Variants in COL25A1 observed in about 807,000 individuals in gnomAD.
COL25A1 encodes the protein collagen type XXV alpha 1 chain.
A neutral mutation model predicts 128.4 loss-of-function variants in COL25A1; 103 were observed. The observed-to-expected ratio is 0.80, with a 90% CI of 0.68 to 0.94. COL25A1 has a LOEUF of 0.94. Among genes scored for constraint, COL25A1 ranks in the 40% least tolerant of loss-of-function variants. The pLI is 0.00. For missense variants in COL25A1, 745 were observed against 840.0 expected (o/e 0.89, Z 1.40); for synonymous variants, 279 against 277.2 (o/e 1.01, Z -0.06).
intron 3 of COL25A1, among the ~76,000 whole-genome samples, chr4:109,146,044 T>C (rs1022559085): frequency 6.6e-6 from 1 of 152,190 alleles, no homozygotes; most frequent in African/African-American, 2.4e-5. Context: ...ACTTAATTTC[T>C]GTAACTTAAT....
intron 3 of COL25A1, among the ~76,000 whole-genome samples, chr4:109,076,269 T>G (rs1398541620): frequency 1.3e-5 from 2 of 152,204 alleles, no homozygotes; most frequent in Non-Finnish European, 2.9e-5. Context: ...TATGATTTTT[T>G]AGGTGTTTTA....
At chr4:109,157,553 A>G (rs1245321559) in intron 3 of COL25A1, among the ~76,000 whole-genome samples, 2 of 152,218 alleles carry the variant, frequency 1.3e-5, no homozygotes, top group Non-Finnish European at 2.9e-5. Context: ...AAAAAGAAAC[A>G]TGGTAATCAT....
intron 19 of COL25A1, among the ~76,000 whole-genome samples, chr4:108,874,126 G>A (rs150988552): frequency 2.0e-5 from 3 of 152,306 alleles, no homozygotes; most frequent in East Asian, 1.9e-4. Context: ...AGACCAGGTC[G>A]GGGAAGAAGG....
In COL25A1 at chr4:109,123,854, C is replaced by T. The variant is rs1490816251; in HGVS notation, c.368-73675G>A. 2.0e-5 allele frequency among the ~76,000 whole-genome samples: 3 copies of T among 152,048 alleles called. No homozygotes were observed. The East Asian group carries it at 5.8e-4, about 29-fold the overall frequency. ...TTAGGATTTCTCCTTCATCTTGAAA[C>T]CCCTGTATCTCCCTGATCCTGATTT... On this transcript the variant is annotated intron_variant, in intron 3 of 37. Coordinates refer to ENST00000399132, the MANE Select transcript of COL25A1 (RefSeq NM_198721.4).
intron 6 of COL25A1, among the ~76,000 whole-genome samples, chr4:108,992,931 C>T (rs1754366230): frequency 6.6e-6 from 1 of 151,944 alleles, no homozygotes; most frequent in Admixed American, 6.6e-5. Context: ...AAATTATATG[C>T]ATTTTTCATG....
At chr4:109,110,375 T>C (rs1766886523) in intron 3 of COL25A1, among the ~76,000 whole-genome samples, 2 of 152,214 alleles carry the variant, frequency 1.3e-5, no homozygotes, top group South Asian at 4.1e-4. Flanking sequence ...CATTCTGCTA[T>C]GTATAGACCC....
At chr4:108,868,852 G>T (rs1417776947) in intron 20 of COL25A1, among the ~76,000 whole-genome samples, 2 of 133,548 alleles carry the variant, frequency 1.5e-5, no homozygotes, top group Non-Finnish European at 3.1e-5. Context: ...AAGATAGGAA[G>T]GAAAGAAGGA....
intron 3 of COL25A1, among the ~76,000 whole-genome samples, chr4:109,060,385 C>T (rs566885137): frequency 1.3e-4 from 20 of 152,254 alleles, no homozygotes; most frequent in Admixed American, 1.0e-3. Context: ...TCTTCCATGG[C>T]CCCCTTGACC....
rs1560806454 is a variant in COL25A1, at chr4:108,886,485, TGTGTG to T, written c.976-2268_976-2264del. Among the ~76,000 whole-genome samples the T allele has an allele frequency of 3.0e-3, 346 of 115,682 alleles. 10 individuals are homozygous for T. The highest frequency in any genetic ancestry group is 7.8e-3 in the East Asian group (28 of 3,604). The allele number at this position is 115,682 out of a possible 152,430, so 75.9% of individuals were successfully genotyped here. ...GTGTGTGTGTGTGTGTGTGTGTGTG[TGTGTG>T]TGTTTAGCTCATCAGCTATTTTATG... On this transcript the variant is annotated intron_variant, in intron 18 of 37. Transcript: ENST00000399132.
intron 26 of COL25A1, 97 bp from the exon 27 acceptor site, chr4:108,848,900 A>C: frequency 1.2e-6 from 1 of 859,798 alleles, no homozygotes; most frequent in Non-Finnish European, 1.9e-6. Context: ...CCACAATTTG[A>C]CTTTCAGCAA....
At chr4:109,229,723 G>A (rs1779040691) in intron 3 of COL25A1, among the ~76,000 whole-genome samples, 1 of 152,158 alleles carries the variant, frequency 6.6e-6, no homozygotes, top group Non-Finnish European at 1.5e-5. Context: ...CACCTTGTTA[G>A]AGTGTTGGGC....
intron 3 of COL25A1, among the ~76,000 whole-genome samples, chr4:109,242,474 C>T (rs1042461081): frequency 2.0e-5 from 3 of 152,058 alleles, no homozygotes; most frequent in African/African-American, 7.2e-5. Context: ...GTTTTATGGT[C>T]TGGGAGACTG....
At chr4:109,150,072 T>A (rs115430377) in intron 3 of COL25A1, among the ~76,000 whole-genome samples, 51 of 151,806 alleles carry the variant, frequency 3.4e-4, no homozygotes, top group African/African-American at 1.1e-3. Context: ...GCAGTGTGTA[T>A]GTGTGTTTGT....
intron 35 of COL25A1, among the ~76,000 whole-genome samples, chr4:108,819,531 TC>T (rs1041687710): frequency 6.6e-6 from 1 of 152,176 alleles, no homozygotes; most frequent in Non-Finnish European, 1.5e-5. Flanking sequence ...AGTGGCCTCC[TC>T]TTTTGAAGGG....
At position 109,223,437 on chromosome 4, in the gene COL25A1, G is replaced by A. The variant is rs149014960; in HGVS notation, c.367+77146C>T. Among the ~76,000 whole-genome samples, 719 of 151,646 alleles carry A rather than the reference G, an allele frequency of 4.7e-3. 6 individuals carry two copies. The highest frequency in any genetic ancestry group is 0.016 in the African/African-American group (680 of 41,350). ...AAAACTGCACTAATGATAGTTCTAT[G>A]TCTTAAATATTGACTTTAGAATCCA... On this transcript the variant is annotated intron_variant, in intron 3 of 37. Transcript: ENST00000399132.
intron 3 of COL25A1, among the ~76,000 whole-genome samples, chr4:109,214,123 C>T (rs554153081): frequency 3.0e-4 from 45 of 152,068 alleles, no homozygotes; most frequent in Middle Eastern, 6.8e-3. Context: ...CAGTATGATA[C>T]GTGATTATGA....
chr4:109,125,787 G>A (rs191089650), intron 3 of COL25A1, among the ~76,000 whole-genome samples: 91 of 152,206 alleles, frequency 6.0e-4, no homozygotes, highest in Non-Finnish European at 2.8e-4. Flanking sequence ...CTGGAAGCCC[G>A]AGGGAGCTGA....
chr4:109,058,416 C>T (rs895552927), intron 3 of COL25A1, among the ~76,000 whole-genome samples: 8 of 152,002 alleles, frequency 5.3e-5, no homozygotes, highest in African/African-American at 1.9e-4. Context: ...AATATATTAA[C>T]ATGAAAAACA....
intron 3 of COL25A1, among the ~76,000 whole-genome samples, chr4:109,115,150 T>C (rs1254722256): frequency 6.6e-6 from 1 of 152,076 alleles, no homozygotes; most frequent in East Asian, 1.9e-4. Flanking sequence ...CTTGTAATAG[T>C]AGTTATAATG....
Sources: allele counts gnomAD v4.1 joint callset (sites outside exome capture counted in the v4.1 genomes callset), GRCh38; gene constraint gnomAD v4.1.1; transcripts MANE v1.5; gene names NCBI Gene and HGNC (gene_info 2026-07-23, HGNC 2026-07-21).